FGR: variants seen among roughly 807,000 people sequenced by gnomAD.
FGR encodes the protein tyrosine-protein kinase Fgr.
In FGR, 26 loss-of-function variants were observed where a neutral mutation model predicts 63.2. That is an observed-to-expected ratio of 0.41 (90% CI 0.30 to 0.57). FGR has a LOEUF of 0.57. Among genes scored for constraint, FGR ranks in the 20% least tolerant of loss-of-function variants. The probability of loss-of-function intolerance (pLI) is 0.27; values close to 1 mark genes in which losing one functional copy is unlikely to be tolerated. For missense variants in FGR, 511 were observed against 690.8 expected, an observed-to-expected ratio of 0.74 and a Z score of 2.92; for synonymous variants, 286 against 277.7, an observed-to-expected ratio of 1.03 and a Z score of -0.30.
rs779867650 is a variant in FGR at position 27,616,963 on chromosome 1, G to A, written c.576C>T (p.Gly192=). ...LSIRDWDQTR[G]DHVKHYKIRK... ...GGATCTTGTAATGCTTCACATGATC[G>A]CCTCTGGTCTGATCCCAGTCCCGGA... Residue 192 remains glycine (G), a synonymous_variant, in exon 7 of 13, where the codon GGC becomes GGT. Transcript: ENST00000374005. The surrounding 1 kb of genome is among the most constrained non-coding windows in gnomAD (Gnocchi z 4.3). 3.0e-5 allele frequency: 49 copies of A among 1,614,012 alleles called. No individual in the cohort carries two copies. The highest frequency in any genetic ancestry group is 6.7e-5 in the East Asian group (3 of 44,896).
Position 27,615,898 on chromosome 1 carries a change from A to C in FGR, c.683-54T>G. Reference sequence around the variant, plus strand: ...CAGGTGGGCCAGGACACCCCCCTCCACTCCTTATCCTATCCCAGCCTGGTG... The same window carrying C: ...CAGGTGGGCCAGGACACCCCCCTCCCCTCCTTATCCTATCCCAGCCTGGTG... On this transcript the variant is annotated intron_variant, in intron 7 of 12. Coordinates refer to ENST00000374005, the MANE Select transcript of FGR (RefSeq NM_005248.3). This position sits in a 1 kb window ranked among gnomAD's most constrained non-coding sequence, Gnocchi z 7.6. 1.3e-6 allele frequency: 2 copies of C among 1,492,318 alleles called. No homozygotes were observed. Among genetic ancestry groups the C allele is most frequent in the East Asian group, 2.5e-5 (1 of 40,162 alleles). The allele number at this position is 1,492,318 out of a possible 1,614,324, so 92.4% of individuals were successfully genotyped here.
intron 1 of FGR, among the ~76,000 whole-genome samples, chr1:27,634,759 C>A: frequency 6.6e-6 from 1 of 152,214 alleles, no homozygotes; most frequent in South Asian, 2.1e-4. Flanking sequence ...CCTCAGCCCC[C>A]TTCCTAAACT....
At chr1:27,634,388 C>G (rs747019096) in intron 1 of FGR, among the ~76,000 whole-genome samples, 11 of 152,172 alleles carry the variant, frequency 7.2e-5, no homozygotes, top group Non-Finnish European at 1.5e-4. Context: ...CTCGCGCGCC[C>G]GGCAGGAGTC....
Position 27,615,852 on chromosome 1 carries a change from AG to A in FGR, c.683-9del. On this transcript the variant is annotated splice_polypyrimidine_tract_variant and intron_variant, in intron 7 of 12. Coordinates refer to ENST00000374005, the MANE Select transcript of FGR (RefSeq NM_005248.3). This position sits in a 1 kb window ranked among gnomAD's most constrained non-coding sequence, Gnocchi z 7.6. ...ACAGCCCGTCATTCACCTCTAGGGGAGGGGTCATGAAGTAGAGTCACAGGTG... is the reference window on the plus strand; with the variant it reads ...ACAGCCCGTCATTCACCTCTAGGGGAGGGTCATGAAGTAGAGTCACAGGTG... 6.4e-7 allele frequency: 1 copy of A among 1,571,678 alleles called. No individual in the cohort carries two copies. The highest frequency in any genetic ancestry group is 8.6e-7 in the Non-Finnish European group (1 of 1,156,120).
intron 1 of FGR, among the ~76,000 whole-genome samples, chr1:27,634,691 A>C (rs1026103909): frequency 1.4e-5 from 2 of 148,038 alleles, no homozygotes; most frequent in Admixed American, 6.7e-5. Flanking sequence ...CACTCTCACG[A>C]TCCCTTCAGT....
At chr1:27,613,389 G>A (rs754831525) in intron 11 of FGR, 39 bp from the exon 12 acceptor site, 1 of 1,606,898 alleles carries the variant, frequency 6.2e-7, no homozygotes, top group Non-Finnish European at 8.5e-7. Context: ...TAGTGAGGGG[G>A]TCCCTGGAAA....
Position 27,616,815 on chromosome 1 carries a change from CT to C in FGR, c.682+41del. The stretch of plus-strand genomic sequence containing the variant: ...CCTCAGTTCCCCCATCTGGACAATG[CT>C]TCAGTTGGTTGGTTCAGGGATCTGA... On this transcript the variant is annotated intron_variant, in intron 7 of 12. Coordinates refer to ENST00000374005, the MANE Select transcript of FGR (RefSeq NM_005248.3). The surrounding 1 kb of genome is among the most constrained non-coding windows in gnomAD (Gnocchi z 4.3). 6.2e-7 allele frequency: 1 copy of C among 1,603,538 alleles called. No individual in the cohort carries two copies. Among genetic ancestry groups the C allele is most frequent in the South Asian group, 1.1e-5 (1 of 90,856 alleles).
At chr1:27,618,720 C>A (rs975306788) in intron 5 of FGR, among the ~76,000 whole-genome samples, 2 of 152,230 alleles carry the variant, frequency 1.3e-5, no homozygotes, top group African/African-American at 4.8e-5. Flanking sequence ...CCAGCAGCCT[C>A]CACCTGCATG....
At position 27,617,129 on chromosome 1, in the gene FGR, C is replaced by G. The variant is rs1159169007; in HGVS notation, c.532+64G>C. ...CTTGGCCTTAACCCAAGCAGCCTACCGCTCCTAGCCCTACCCCAATGGCTG... is the reference window on the plus strand; with the variant it reads ...CTTGGCCTTAACCCAAGCAGCCTACGGCTCCTAGCCCTACCCCAATGGCTG... On this transcript the variant is annotated intron_variant, in intron 6 of 12. Transcript: ENST00000374005. This position sits in a 1 kb window ranked among gnomAD's most constrained non-coding sequence, Gnocchi z 4.5. 2 of 1,595,230 alleles carry G rather than the reference C, an allele frequency of 1.3e-6. No individual in the cohort carries two copies. The highest frequency in any genetic ancestry group is 1.7e-6 in the Non-Finnish European group (2 of 1,164,486).
Position 27,621,651 on chromosome 1 carries a change from A to G in FGR, c.336T>C (p.Gly112=). Residue 112 remains glycine (G), a synonymous_variant, in exon 5 of 13, where the codon GGT becomes GGC. Coordinates refer to ENST00000374005, the MANE Select transcript of FGR (RefSeq NM_005248.3). ...EKFHILNNTE[G]DWWEARSLSS... is the part of the protein sequence containing the mutation. ...TGAGAGACCGAGCCTCCCACCAGTC[A>G]CCTTCACTGTAGGCACAGAACAGGG... The G allele has an allele frequency of 6.2e-7, 1 of 1,613,528 alleles. No homozygotes were observed. Among genetic ancestry groups the G allele is most frequent in the Admixed American group, 1.7e-5 (1 of 60,000 alleles).
chr1:27,629,985 G>A (rs1311370282), intron 1 of FGR, among the ~76,000 whole-genome samples: 2 of 152,218 alleles, frequency 1.3e-5, no homozygotes, highest in Non-Finnish European at 2.9e-5. Flanking sequence ...TGGGCCATAT[G>A]CAGCCCAGGA....
Position 27,615,713 on chromosome 1 carries a change from C to T in FGR, c.814G>A (p.Gly272Ser). The T allele has an allele frequency of 6.2e-7, 1 of 1,605,896 alleles. No homozygotes were observed. Among genetic ancestry groups the T allele is most frequent in the Non-Finnish European group, 8.5e-7 (1 of 1,174,582 alleles). The change falls in exon 8 of 13, where the codon GGC (glycine) becomes AGC (serine). Residue 272 changes from glycine (G) to serine (S), a missense_variant. Physicochemically the swap from Gly to Ser is moderately conservative, Grantham distance 56 (BLOSUM62 0). Transcript: ENST00000374005. This position sits in a 1 kb window ranked among gnomAD's most constrained non-coding sequence, Gnocchi z 7.6. ...CCCAGCCACACATCCCCGAAGCAGC[C>T]GGTGCCCAGCCGGCGCTCCAGCGTG... ...SITLERRLGT[G>S]CFGDVWLGTW...
intron 11 of FGR, 79 bp downstream of exon 11, chr1:27,614,351 G>C (rs562936672): frequency 2.4e-5 from 36 of 1,479,934 alleles, no homozygotes; most frequent in Non-Finnish European, 3.3e-5. Context: ...GAGTGAGGAA[G>C]GGTTCCTGAG....
chr1:27,620,199 C>T (rs921426862), intron 5 of FGR, among the ~76,000 whole-genome samples: 1 of 151,806 alleles, frequency 6.6e-6, no homozygotes, highest in Admixed American at 6.6e-5. Context: ...CACCTGTAGT[C>T]CCAGGTACTT....
At chr1:27,627,619 T>G (rs537370934) in intron 1 of FGR, among the ~76,000 whole-genome samples, 1 of 152,302 alleles carries the variant, frequency 6.6e-6, no homozygotes, top group African/African-American at 2.4e-5. Context: ...ATTAATTTAT[T>G]TATTTTGAGA....
Position 27,616,413 on chromosome 1 carries a change from A to G in FGR, c.682+444T>C, listed in dbSNP as rs1156316466. 6.6e-6 allele frequency among the ~76,000 whole-genome samples: 1 copy of G among 152,136 alleles called. No individual in the cohort carries two copies. The highest frequency in any genetic ancestry group is 6.6e-5 in the Admixed American group (1 of 15,266). ...ACCTGGACAACAGCCACTGCCTTCT[A>G]ATGGACCCCTCACTCTGCCTTGGCC... On this transcript the variant is annotated intron_variant, in intron 7 of 12. Coordinates refer to ENST00000374005, the MANE Select transcript of FGR (RefSeq NM_005248.3). The surrounding 1 kb of genome is among the most constrained non-coding windows in gnomAD (Gnocchi z 4.3).
rs763650057 is a variant in FGR, at chr1:27,617,422, T to C, written c.429-126A>G. ...TGTAAAATGGGGCTGGTACACCTGCTTCACATCCTGGCTGGGAGGGTTACA... is the reference window on the plus strand; with the variant it reads ...TGTAAAATGGGGCTGGTACACCTGCCTCACATCCTGGCTGGGAGGGTTACA... On this transcript the variant is annotated intron_variant, in intron 5 of 12. Coordinates refer to ENST00000374005, the MANE Select transcript of FGR (RefSeq NM_005248.3). The surrounding 1 kb of genome is among the most constrained non-coding windows in gnomAD (Gnocchi z 4.5). 7.9e-5 allele frequency: 53 copies of C among 670,752 alleles called. No homozygotes were observed. Among genetic ancestry groups the C allele is most frequent in the Non-Finnish European group, 1.4e-4 (51 of 373,614 alleles). The allele number at this position is 670,752 out of a possible 1,614,324, so 41.6% of individuals were successfully genotyped here.
Position 27,614,477 on chromosome 1 carries a change from A to G in FGR, c.1202T>C (p.Phe401Ser). ...GERLACKIAD[F>S]GLARLIKDDE... ...GTCCTTGATGAGACGCGCCAAGCCA[A>G]AGTCTGCGATCTTGCACGCCAGCCG... Residue 401 changes from phenylalanine to serine, a missense_variant, in exon 11 of 13, where the codon TTT (phenylalanine) becomes TCT (serine). Coordinates refer to ENST00000374005, the MANE Select transcript of FGR (RefSeq NM_005248.3). 6.2e-7 allele frequency: 1 copy of G among 1,613,792 alleles called. No individual in the cohort carries two copies. Among genetic ancestry groups the G allele is most frequent in the East Asian group, 2.2e-5 (1 of 44,868 alleles).
chr1:27,614,784 G>T, intron 10 of FGR, 66 bp downstream of exon 10: 1 of 1,476,300 alleles, frequency 6.8e-7, no homozygotes, highest in South Asian at 1.2e-5. Context: ...CGTTTGAAGG[G>T]ACAGAGAATT....
Sources: allele counts gnomAD v4.1 joint callset (sites outside exome capture counted in the v4.1 genomes callset), GRCh38; gene constraint gnomAD v4.1.1; non-coding constraint Gnocchi (gnomAD v3.1); transcripts MANE v1.5; gene names NCBI Gene and HGNC (gene_info 2026-07-23, HGNC 2026-07-21).